PRDM5: variants seen among roughly 807,000 people sequenced by gnomAD.
PRDM5 encodes the protein PR/SET domain 5.
In PRDM5, 56 loss-of-function variants were observed where a neutral mutation model predicts 81.2. The ratio of observed to expected loss-of-function variants is 0.69; its 90% CI spans 0.56 to 0.86. The LOEUF (loss-of-function observed/expected upper bound fraction) is 0.86, where lower values mean the gene tolerates loss of function less well. PRDM5 is among the 40% of genes least tolerant of loss of function. The pLI is 0.00. For missense variants in PRDM5, 697 were observed against 770.1 expected (o/e 0.91, Z 1.12); for synonymous variants, 267 against 256.4 (o/e 1.04, Z -0.39).
chr4:120,872,825 G>T (rs1179586365), intron 2 of PRDM5, among the ~76,000 whole-genome samples: 1 of 152,116 alleles, frequency 6.6e-6, no homozygotes, highest in South Asian at 2.1e-4. Context: ...CAGGGGCAGG[G>T]GGTAGTGGGG....
intron 15 of PRDM5, among the ~76,000 whole-genome samples, chr4:120,705,058 T>C (rs942550533): frequency 1.3e-5 from 2 of 152,142 alleles, no homozygotes; most frequent in African/African-American, 4.8e-5. Context: ...TAAAGGATTC[T>C]AAATAGAGAC....
Position 120,866,585 on chromosome 4 carries a change from C to G in PRDM5, c.178-13045G>C, listed in dbSNP as rs987218062. ...TGAGGTAAGTGCTACATATTAAGCA[C>G]GTTTAACAGATGAGCGAACTGAAGC... On this transcript the variant is annotated intron_variant, in intron 2 of 15. Transcript: ENST00000264808. Among the ~76,000 whole-genome samples, 11 of 152,108 alleles carry G rather than the reference C, an allele frequency of 7.2e-5. No individual in the cohort carries two copies. The South Asian group carries it at 2.3e-3, about 32-fold the overall frequency.
At chr4:120,818,112 C>A in intron 5 of PRDM5, 3 of 458,556 alleles carry the variant, frequency 6.5e-6, no homozygotes, top group South Asian at 2.8e-5. Context: ...AACTAATTAC[C>A]ATAAACAGTG....
intron 8 of PRDM5, among the ~76,000 whole-genome samples, chr4:120,802,975 T>C (rs1340597484): frequency 6.6e-6 from 1 of 152,124 alleles, no homozygotes; most frequent in Non-Finnish European, 1.5e-5. Context: ...ATTAGACGAA[T>C]GGCTAACTAG....
At chr4:120,764,373 TTTTCAC>T (rs1746076255) in intron 13 of PRDM5, among the ~76,000 whole-genome samples, 1 of 152,218 alleles carries the variant, frequency 6.6e-6, no homozygotes, top group Non-Finnish European at 1.5e-5. Flanking sequence ...ACTCTCTCAC[TTTTCAC>T]TCTGTGCCCC....
At chr4:120,748,489 A>G (rs1743476763) in intron 14 of PRDM5, among the ~76,000 whole-genome samples, 1 of 152,060 alleles carries the variant, frequency 6.6e-6, no homozygotes, top group Non-Finnish European at 1.5e-5. Flanking sequence ...ACAAAAATTT[A>G]AAAACAGCCA....
At chr4:120,747,908 T>C (rs1057085239) in intron 14 of PRDM5, among the ~76,000 whole-genome samples, 4 of 152,218 alleles carry the variant, frequency 2.6e-5, no homozygotes, top group Admixed American at 1.3e-4. Flanking sequence ...AACTTTCTAA[T>C]TGGCCCAGGT....
intron 2 of PRDM5, chr4:120,895,372 G>A (rs1258469608): frequency 1.3e-5 from 2 of 152,192 alleles, no homozygotes; most frequent in Non-Finnish European, 2.9e-5. Context: ...GAGAGAGAAA[G>A]AGACCTTATT....
At chr4:120,779,409 T>C (rs1748675346) in intron 12 of PRDM5, among the ~76,000 whole-genome samples, 1 of 152,192 alleles carries the variant, frequency 6.6e-6, no homozygotes, top group Admixed American at 6.6e-5. Context: ...AAGCTCACTA[T>C]ACTTTTCCTT....
chr4:120,731,843 C>T (rs1489408215), intron 14 of PRDM5: 1 of 152,176 alleles, frequency 6.6e-6, no homozygotes, highest in South Asian at 2.1e-4. Flanking sequence ...GTCAAACTAT[C>T]CCTGGAATGC....
At position 120,779,202 on chromosome 4, in the gene PRDM5, C is replaced by T. The variant is rs1002357762; in HGVS notation, c.1444-1921G>A. Among the ~76,000 whole-genome samples, 3 of 152,048 alleles carry T rather than the reference C, an allele frequency of 2.0e-5. No individual in the cohort carries two copies. In the South Asian group the frequency reaches 6.2e-4, roughly 32 times the overall value. The stretch of plus-strand genomic sequence containing the variant: ...CCTTTCACTTAACTCAAAAATATAT[C>T]TATTATTAGGTTCCAATTTTGGTTA... On this transcript the variant is annotated intron_variant, in intron 12 of 15. Transcript: ENST00000264808.
rs1288542549 is a variant in PRDM5, at chr4:120,694,500, A to G, written c.*611T>C. 6.6e-6 allele frequency: 1 copy of G among 152,322 alleles called. No homozygotes were observed. Among genetic ancestry groups the G allele is most frequent in the African/African-American group, 2.4e-5 (1 of 41,450 alleles). The allele number at this position is 152,322 out of a possible 1,614,324, so 9.4% of individuals were successfully genotyped here. On this transcript the variant is annotated 3_prime_UTR_variant, in exon 16 of 16. Transcript: ENST00000264808. ...TTTTAATAGATGTTTTAGTTATCAA[A>G]TATCTATTTTAAACTCATTTGTTGC...
chr4:120,799,826 G>T, intron 8 of PRDM5, 81 bp from the exon 9 acceptor site: 1 of 1,553,704 alleles, frequency 6.4e-7, no homozygotes, highest in South Asian at 1.2e-5. Context: ...GTGTAAACAT[G>T]TGAACAGCTG....
chr4:120,753,473 C>T (rs1388700597), intron 14 of PRDM5, among the ~76,000 whole-genome samples: 1 of 152,060 alleles, frequency 6.6e-6, no homozygotes, highest in Non-Finnish European at 1.5e-5. Flanking sequence ...GAGAAGCTCC[C>T]TCTCTTCACC....
At chr4:120,777,062 A>G in intron 13 of PRDM5, 126 bp downstream of exon 13, 1 of 1,545,710 alleles carries the variant, frequency 6.5e-7, no homozygotes, top group Non-Finnish European at 8.7e-7. Context: ...ATGCTTTAAG[A>G]GAGAGAAAAC....
At chr4:120,832,078 G>A (rs892564289) in intron 3 of PRDM5, among the ~76,000 whole-genome samples, 2 of 152,048 alleles carry the variant, frequency 1.3e-5, no homozygotes, top group African/African-American at 4.8e-5. Flanking sequence ...AGCTCCATGG[G>A]GAAGGGATCA....
Position 120,834,328 on chromosome 4 carries a change from T to A in PRDM5, c.301-12983A>T, listed in dbSNP as rs1215680064. ...GAGGTGATTAGGTCATGAGGATGGATCCCTCATCAATGGGATTAGTGCCCT... is the reference window on the plus strand; with the variant it reads ...GAGGTGATTAGGTCATGAGGATGGAACCCTCATCAATGGGATTAGTGCCCT... On this transcript the variant is annotated intron_variant, in intron 3 of 15. Coordinates refer to ENST00000264808, the MANE Select transcript of PRDM5 (RefSeq NM_018699.4). Among the ~76,000 whole-genome samples the A allele has an allele frequency of 3.3e-5, 5 of 152,072 alleles. No individual in the cohort carries two copies. The East Asian group carries it at 7.7e-4, about 23-fold the overall frequency.
chr4:120,728,309 G>T (rs1739745798), intron 14 of PRDM5, among the ~76,000 whole-genome samples: 1 of 152,044 alleles, frequency 6.6e-6, no homozygotes, highest in African/African-American at 2.4e-5. Context: ...TGTCATTACA[G>T]TATAAATAAA....
At chr4:120,899,137 T>A (rs1467379937) in intron 2 of PRDM5, among the ~76,000 whole-genome samples, 4 of 133,004 alleles carry the variant, frequency 3.0e-5, no homozygotes, top group East Asian at 5.4e-4. Context: ...CTTCAGCTGA[T>A]TACTGAGACC....
Sources: gnomAD v4.1 joint callset for allele counts (sites outside exome capture counted in the v4.1 genomes callset) on GRCh38, gnomAD v4.1.1 for gene constraint, MANE v1.5 for transcripts, NCBI Gene and HGNC (gene_info 2026-07-23, HGNC 2026-07-21) for gene names.